Variants in DLGAP1 observed in about 807,000 individuals in gnomAD.
DLGAP1 encodes the protein disks large-associated protein 1.
DLGAP1 carries 11 observed loss-of-function variants against 90.8 expected under a neutral mutation model. The observed-to-expected ratio is 0.12, with a 90% CI of 0.08 to 0.20. The LOEUF is 0.20. Among genes scored for constraint, DLGAP1 ranks in the 10% least tolerant of loss-of-function variants. The pLI is 1.00. For synonymous variants in DLGAP1, 558 were observed against 540.7 expected, an observed-to-expected ratio of 1.03 and a Z score of -0.44; for missense variants, 1,050 against 1,333.8, an observed-to-expected ratio of 0.79 and a Z score of 3.31.
chr18:4,130,652 C>T (rs2076299093), intron 2 of DLGAP1, among the ~76,000 whole-genome samples: 1 of 152,128 alleles, frequency 6.6e-6, no homozygotes, highest in South Asian at 2.1e-4. Context: ...GGCAGGACCA[C>T]ACCCTCCCAT....
At chr18:4,272,962 A>T (rs892384529) in intron 1 of DLGAP1, among the ~76,000 whole-genome samples, 8 of 152,172 alleles carry the variant, frequency 5.3e-5, no homozygotes, top group African/African-American at 1.7e-4. Flanking sequence ...ATGAACAGTA[A>T]GGATTGCTGG....
intron 1 of DLGAP1, chr18:4,295,206 T>C (rs1267031290): frequency 6.6e-6 from 1 of 152,242 alleles, no homozygotes; most frequent in African/African-American, 2.4e-5. Flanking sequence ...AGATGTGTGG[T>C]ACCCAGTTGG....
chr18:4,072,178 GT>G (rs1191874997), intron 2 of DLGAP1, among the ~76,000 whole-genome samples: 1 of 152,020 alleles, frequency 6.6e-6, no homozygotes, highest in Non-Finnish European at 1.5e-5. Flanking sequence ...TGGAGTCTAT[GT>G]TTTTCTGAAG....
At chr18:4,426,691 CA>C (rs2144719484) in intron 1 of DLGAP1, among the ~76,000 whole-genome samples, 1 of 152,306 alleles carries the variant, frequency 6.6e-6, no homozygotes, top group Admixed American at 6.5e-5. Flanking sequence ...AGTGAAAATA[CA>C]TCTAACACAC....
intron 7 of DLGAP1, among the ~76,000 whole-genome samples, chr18:3,612,350 A>G (rs1042757577): frequency 1.4e-4 from 21 of 152,256 alleles, no homozygotes; most frequent in Admixed American, 1.2e-3. Context: ...GCTGAAAGGA[A>G]GCAATATATG....
At chr18:3,555,368 CAGTTTA>C (rs1418358000) in intron 9 of DLGAP1, among the ~76,000 whole-genome samples, 4 of 152,136 alleles carry the variant, frequency 2.6e-5, no homozygotes, top group African/African-American at 9.7e-5. Context: ...ATATTTTACT[CAGTTTA>C]CTGAGGAACT....
At chr18:4,225,901 G>C (rs2078177314) in intron 1 of DLGAP1, among the ~76,000 whole-genome samples, 1 of 152,072 alleles carries the variant, frequency 6.6e-6, no homozygotes, top group Non-Finnish European at 1.5e-5. Context: ...TAATAACACA[G>C]AACTTCCCCA....
intron 1 of DLGAP1, among the ~76,000 whole-genome samples, chr18:4,380,571 A>ATATCCC (rs2082094019): frequency 1.3e-5 from 2 of 152,170 alleles, no homozygotes; most frequent in African/African-American, 4.8e-5. Context: ...CAAGAAGCAT[A>ATATCCC]CCAAGCTGAG....
chr18:3,538,069 C>A (rs1244446164), intron 9 of DLGAP1, among the ~76,000 whole-genome samples: 3 of 152,022 alleles, frequency 2.0e-5, no homozygotes, highest in African/African-American at 4.8e-5. Context: ...TAAAGAATGA[C>A]CAGAACAATA....
chr18:3,658,605 T>C (rs1345205788), intron 7 of DLGAP1, among the ~76,000 whole-genome samples: 1 of 152,204 alleles, frequency 6.6e-6, no homozygotes, highest in Admixed American at 6.5e-5. Context: ...GAGATAACAG[T>C]CATTGACAAT....
At chr18:4,214,647 A>G (rs946162799) in intron 1 of DLGAP1, among the ~76,000 whole-genome samples, 1 of 152,316 alleles carries the variant, frequency 6.6e-6, no homozygotes, top group South Asian at 2.1e-4. Flanking sequence ...GAAAACCAAT[A>G]TTAAAATAGT....
At chr18:4,053,283 G>A (rs2075162807) in intron 2 of DLGAP1, among the ~76,000 whole-genome samples, 4 of 152,194 alleles carry the variant, frequency 2.6e-5, no homozygotes, top group African/African-American at 9.7e-5. Context: ...AGATGGGGAA[G>A]AAAACATGTC....
chr18:4,155,941 G>A (rs547880162), intron 1 of DLGAP1, among the ~76,000 whole-genome samples: 1 of 152,286 alleles, frequency 6.6e-6, no homozygotes, highest in South Asian at 2.1e-4. Flanking sequence ...CTGGAGACAG[G>A]CAACATTTGC....
At chr18:4,347,395 G>T (rs979276923) in intron 1 of DLGAP1, among the ~76,000 whole-genome samples, 24 of 151,952 alleles carry the variant, frequency 1.6e-4, no homozygotes, top group African/African-American at 5.3e-4. Flanking sequence ...TTGTTCAAAA[G>T]AAAATAAATC....
intron 3 of DLGAP1, among the ~76,000 whole-genome samples, chr18:3,913,589 T>C (rs970269528): frequency 6.6e-6 from 1 of 152,244 alleles, no homozygotes; most frequent in African/African-American, 2.4e-5. Context: ...TACTTTTCTA[T>C]GGCTGGATTG....
chr18:3,974,202 G>A (rs2073520210), intron 3 of DLGAP1, among the ~76,000 whole-genome samples: 1 of 152,002 alleles, frequency 6.6e-6, no homozygotes, highest in South Asian at 2.1e-4. Context: ...AGCCTCCCGA[G>A]TAGCTGGGAT....
chr18:4,243,450 T>C (rs1238626667), intron 1 of DLGAP1, among the ~76,000 whole-genome samples: 1 of 152,138 alleles, frequency 6.6e-6, no homozygotes, highest in African/African-American at 2.4e-5. Context: ...GGCTCTGCAT[T>C]TCTGGGGCTT....
At chr18:4,425,821 C>CA (rs1313675349) in intron 1 of DLGAP1, among the ~76,000 whole-genome samples, 3 of 152,172 alleles carry the variant, frequency 2.0e-5, no homozygotes, top group African/African-American at 7.2e-5. Context: ...CCAATATGAC[C>CA]ATATCTTAGT....
intron 1 of DLGAP1, among the ~76,000 whole-genome samples, chr18:4,333,658 C>T (rs1175415700): frequency 6.8e-5 from 10 of 147,908 alleles, no homozygotes; most frequent in South Asian, 6.4e-4. Context: ...CTCGCTCTGT[C>T]ACCTAGGCTG....
Sources: allele counts gnomAD v4.1 joint callset (sites outside exome capture counted in the v4.1 genomes callset), GRCh38; gene constraint gnomAD v4.1.1; transcripts MANE v1.5; gene names NCBI Gene and HGNC (gene_info 2026-07-23, HGNC 2026-07-21).